Variants in FRMD4B observed in about 807,000 individuals in gnomAD.
FRMD4B encodes the protein FERM domain-containing protein 4B.
Under a neutral mutation model 141.5 loss-of-function variants are expected in FRMD4B, and 74 were observed. The ratio of observed to expected loss-of-function variants is 0.52; its 90% CI spans 0.43 to 0.63. The LOEUF (loss-of-function observed/expected upper bound fraction) is 0.63. Among genes scored for constraint, FRMD4B ranks in the 30% least tolerant of loss-of-function variants. FRMD4B has a pLI of 0.00. For synonymous variants in FRMD4B, 506 were observed against 467.9 expected (o/e 1.08, Z -1.05); for missense variants, 1,366 against 1,253.4 (o/e 1.09, Z -1.36).
At chr3:69,203,287 T>A (rs954246822) in intron 11 of FRMD4B, among the ~76,000 whole-genome samples, 1 of 128,604 alleles carries the variant, frequency 7.8e-6, no homozygotes, top group East Asian at 2.3e-4. Flanking sequence ...TTATAATGGT[T>A]CCTAAATATC....
chr3:69,393,329 CA>C (rs3032132), intron 2 of FRMD4B, among the ~76,000 whole-genome samples: 9,944 of 126,132 alleles, frequency 0.079, 939 homozygotes, highest in African/African-American at 0.26. Context: ...TGAAGAAGTA[CA>C]AAAAAAAAAA....
intron 5 of FRMD4B, among the ~76,000 whole-genome samples, chr3:69,263,575 T>G (rs2106872997): frequency 6.6e-6 from 1 of 151,610 alleles, no homozygotes; most frequent in Non-Finnish European, 1.5e-5. Context: ...CCTGGCTAAT[T>G]TTCCATTTTT....
chr3:69,275,443 T>TC (rs1553714711), intron 5 of FRMD4B, among the ~76,000 whole-genome samples: 80,312 of 115,736 alleles, frequency 0.69, 24,006 homozygotes, highest in Non-Finnish European at 0.74. Flanking sequence ...TCTCTCTCTC[T>TC]TTTTTTTTTT....
intron 1 of FRMD4B, among the ~76,000 whole-genome samples, chr3:69,327,066 G>A (rs1305003348): frequency 6.6e-6 from 1 of 152,102 alleles, no homozygotes; most frequent in Non-Finnish European, 1.5e-5. Context: ...GGTTGGGGGT[G>A]GGGGGATTTT....
In FRMD4B at chr3:69,267,414, C is replaced by G. The variant is rs12494598; in HGVS notation, c.502-17315G>C. Among the ~76,000 whole-genome samples the G allele has an allele frequency of 6.3e-3, 958 of 151,936 alleles. 39 individuals are homozygous for G. Among genetic ancestry groups the G allele is most frequent in the Admixed American group, 0.055 (832 of 15,248 alleles). On this transcript the variant is annotated intron_variant, in intron 5 of 22. Transcript: ENST00000398540. ...CTAGAAACAACATTAGCTATCAGAGCAATTTGAATAAAGACTGTATATTAA... is the reference window on the plus strand; with the variant it reads ...CTAGAAACAACATTAGCTATCAGAGGAATTTGAATAAAGACTGTATATTAA...
chr3:69,465,791 C>A (rs1166024153), intron 1 of FRMD4B, among the ~76,000 whole-genome samples: 1 of 152,130 alleles, frequency 6.6e-6, no homozygotes, highest in Non-Finnish European at 1.5e-5. Flanking sequence ...CAGTCTATGA[C>A]TGATGGACAT....
intron 21 of FRMD4B, 76 bp downstream of exon 21, chr3:69,180,823 G>T (rs13084205): frequency 2.1e-5 from 21 of 1,010,472 alleles, no homozygotes; most frequent in Non-Finnish European, 3.0e-5. Flanking sequence ...CTCATGATCC[G>T]TGAGGCGGTT....
chr3:69,310,176 T>A (rs1701529455), intron 3 of FRMD4B, among the ~76,000 whole-genome samples: 1 of 152,188 alleles, frequency 6.6e-6, no homozygotes, highest in Non-Finnish European at 1.5e-5. Flanking sequence ...ATAATTCAGC[T>A]GCTTGGTTTT....
chr3:69,182,826 T>C, intron 19 of FRMD4B, 109 bp from the exon 20 acceptor site: 1 of 1,020,752 alleles, frequency 9.8e-7, no homozygotes, highest in Non-Finnish European at 1.5e-6. Context: ...AAAGGGAAAA[T>C]AGGGAGAAAG....
intron 22 of FRMD4B, 110 bp from the exon 23 acceptor site, chr3:69,172,091 T>C (rs954366278): frequency 1.0e-6 from 1 of 964,342 alleles, no homozygotes; most frequent in Non-Finnish European, 1.6e-6. Flanking sequence ...AAGAAAAATT[T>C]CCCAAAATGT....
rs146393539 is a variant in FRMD4B at position 69,209,656 on chromosome 3, C to G, written c.876+6607G>C. Among the ~76,000 whole-genome samples the G allele has an allele frequency of 2.5e-3, 381 of 152,326 alleles. 2 individuals are homozygous for G. The highest frequency in any genetic ancestry group is 8.1e-3 in the African/African-American group (336 of 41,578). Reference sequence around the variant, plus strand: ...AGGATGGGAGTTCTCCTCCCACTGACTCTGCAGAAGGTTTTAACAATCAGA... The same window carrying G: ...AGGATGGGAGTTCTCCTCCCACTGAGTCTGCAGAAGGTTTTAACAATCAGA... On this transcript the variant is annotated intron_variant, in intron 11 of 22. Transcript: ENST00000398540.
chr3:69,329,947 T>A lies in FRMD4B; in HGVS notation c.163-16430A>T, dbSNP rs895251469. 3.9e-5 allele frequency among the ~76,000 whole-genome samples: 6 copies of A among 152,234 alleles called. No homozygotes were observed. In the East Asian group the frequency reaches 1.2e-3, roughly 29 times the overall value. On this transcript the variant is annotated intron_variant, in intron 1 of 22. Transcript: ENST00000398540. Reference sequence around the variant, plus strand: ...ACCTAAAAGTTAAAAATAAATTTATTATTATACTTCAAGAAATCCACAGTG... The same window carrying A: ...ACCTAAAAGTTAAAAATAAATTTATAATTATACTTCAAGAAATCCACAGTG...
At chr3:69,485,783 C>T (rs887518497) in intron 1 of FRMD4B, among the ~76,000 whole-genome samples, 9 of 152,178 alleles carry the variant, frequency 5.9e-5, no homozygotes, top group African/African-American at 1.2e-4. Context: ...TCACCTGGTG[C>T]GACGCAGCCC....
chr3:69,304,420 G>T (rs1701320922), intron 3 of FRMD4B, among the ~76,000 whole-genome samples: 1 of 146,950 alleles, frequency 6.8e-6, no homozygotes, highest in African/African-American at 2.5e-5. Context: ...GAAGGCGGAG[G>T]TTGCAGTGAG....
intron 11 of FRMD4B, among the ~76,000 whole-genome samples, chr3:69,214,795 G>T (rs958996274): frequency 3.3e-5 from 5 of 152,096 alleles, no homozygotes; most frequent in African/African-American, 1.2e-4. Context: ...CAGGGAAATC[G>T]AGGCTGCAGT....
At chr3:69,354,357 A>G (rs1703251874) in intron 1 of FRMD4B, among the ~76,000 whole-genome samples, 1 of 152,226 alleles carries the variant, frequency 6.6e-6, no homozygotes, top group South Asian at 2.1e-4. Flanking sequence ...TTAAAAAAAG[A>G]GAATGACTAA....
chr3:69,366,268 A>G (rs981668193), intron 1 of FRMD4B, among the ~76,000 whole-genome samples: 5 of 103,374 alleles, frequency 4.8e-5, no homozygotes, highest in Non-Finnish European at 1.0e-4. Flanking sequence ...TCAAAAAACA[A>G]AAACAAAAAC....
Position 69,196,328 on chromosome 3 carries a change from C to A in FRMD4B, c.1161G>T (p.Arg387Ser). ...TCTCCAGTGTCACCAGCTTGGAGGC[C>A]CTTTGTGTTCCTGTCTCTGTCAAAT... ...AMDLTETGTQRASKLVTLETK... is the reference protein window; with the variant it reads ...AMDLTETGTQSASKLVTLETK... The change falls in exon 14 of 23, where the codon AGG (arginine) becomes AGT (serine). Residue 387 changes from arginine (R) to serine (S), a missense_variant. Arg to Ser is a moderately radical substitution (Grantham distance 110). Transcript: ENST00000398540. 6.2e-7 allele frequency: 1 copy of A among 1,609,284 alleles called. No homozygotes were observed.
chr3:69,258,245 C>T (rs148750803), intron 5 of FRMD4B, among the ~76,000 whole-genome samples: 2 of 152,086 alleles, frequency 1.3e-5, no homozygotes, highest in Admixed American at 6.5e-5. Flanking sequence ...GGGTTACAGG[C>T]GTGAGCCACT....
Sources: gnomAD v4.1 joint callset for allele counts (sites outside exome capture counted in the v4.1 genomes callset) on GRCh38, gnomAD v4.1.1 for gene constraint, MANE v1.5 for transcripts, NCBI Gene and HGNC (gene_info 2026-07-23, HGNC 2026-07-21) for gene names.